Variants in LINGO2 observed in about 807,000 individuals in gnomAD.
LINGO2 encodes the protein leucine-rich repeat and immunoglobulin-like domain-containing nogo receptor-interacting protein 2.
LINGO2 carries 14 observed loss-of-function variants against 30.6 expected under a neutral mutation model. That is an observed-to-expected ratio of 0.46 (90% CI 0.30 to 0.72). LINGO2 has a LOEUF of 0.72. Ranked by LOEUF, LINGO2 falls within the 30% of genes least tolerant of loss-of-function variation. The pLI, the probability that LINGO2 is intolerant of heterozygous loss-of-function variation, is 0.07. For synonymous variants in LINGO2, 317 were observed against 288.5 expected (o/e 1.10, Z -1.00); for missense variants, 729 against 751.7 (o/e 0.97, Z 0.35).
chr9:28,899,061 CA>C, the LINGO2 span, among the ~76,000 whole-genome samples: 112,186 of 151,970 alleles, frequency 0.74, 41,575 homozygotes, highest in Non-Finnish European at 0.78. Flanking sequence ...TATTGTTTCA[CA>C]AAAATACCTT....
the LINGO2 span, among the ~76,000 whole-genome samples, chr9:28,760,139 A>C: frequency 6.6e-6 from 1 of 152,152 alleles, no homozygotes; most frequent in Non-Finnish European, 1.5e-5. Context: ...TGTTTTATGA[A>C]ACAGATACTG....
chr9:29,200,447 G>T, the LINGO2 span, among the ~76,000 whole-genome samples: 75 of 151,908 alleles, frequency 4.9e-4, no homozygotes, highest in Non-Finnish European at 9.6e-4. Context: ...GAAGAAAATC[G>T]GATATGCATG....
chr9:28,367,105 TCA>T (rs1564153651), intron 3 of LINGO2, among the ~76,000 whole-genome samples: 1 of 135,474 alleles, frequency 7.4e-6, no homozygotes, highest in African/African-American at 3.0e-5. Flanking sequence ...TTTGGTTAAA[TCA>T]AAAGTCAGCA....
At chr9:29,157,479 A>AT in the LINGO2 span, among the ~76,000 whole-genome samples, 1 of 152,210 alleles carries the variant, frequency 6.6e-6, no homozygotes, top group Non-Finnish European at 1.5e-5. Flanking sequence ...AAGGTATGGA[A>AT]AGTCAAGAGT....
At chr9:29,011,645 C>T in the LINGO2 span, among the ~76,000 whole-genome samples, 1 of 152,142 alleles carries the variant, frequency 6.6e-6, no homozygotes, top group Non-Finnish European at 1.5e-5. Flanking sequence ...TAATAGGTGG[C>T]CATGACCCCT....
At chr9:29,021,502 A>C in the LINGO2 span, among the ~76,000 whole-genome samples, 27 of 152,134 alleles carry the variant, frequency 1.8e-4, no homozygotes, top group African/African-American at 5.5e-4. Flanking sequence ...TTAAAAATAC[A>C]AAAAAATGGC....
At chr9:29,059,413 T>A in the LINGO2 span, among the ~76,000 whole-genome samples, 2 of 138,334 alleles carry the variant, frequency 1.4e-5, no homozygotes, top group Admixed American at 1.4e-4. Context: ...AGATTAAAAT[T>A]AAAAAATAAA....
the LINGO2 span, among the ~76,000 whole-genome samples, chr9:29,012,405 A>G: frequency 6.6e-6 from 1 of 152,100 alleles, no homozygotes; most frequent in African/African-American, 2.4e-5. Context: ...GACTTAAAGA[A>G]CTTAAACGGT....
chr9:29,180,453 C>T, the LINGO2 span, among the ~76,000 whole-genome samples: 3 of 152,288 alleles, frequency 2.0e-5, no homozygotes, highest in Admixed American at 1.3e-4. Flanking sequence ...AGCAAGTTAA[C>T]AATGGGTCCA....
At chr9:29,031,521 G>C in the LINGO2 span, among the ~76,000 whole-genome samples, 4 of 151,916 alleles carry the variant, frequency 2.6e-5, no homozygotes, top group African/African-American at 9.7e-5. Flanking sequence ...AACCTCAAGT[G>C]ATCTGCCCAC....
rs533958150 is a variant in LINGO2, at chr9:28,233,832, T to A, written c.-87+61376A>T. 4.6e-4 allele frequency among the ~76,000 whole-genome samples: 70 copies of A among 152,220 alleles called. 1 individual carries two copies. The highest frequency in any genetic ancestry group is 1.6e-3 in the African/African-American group (68 of 41,562). On this transcript the variant is annotated intron_variant, in intron 4 of 5. Transcript: ENST00000379992. ...CCAGGTGACATTTCTAGGCAAGTCC[T>A]GGGCAAAAAGGGATCCTGTTGCCTT...
the LINGO2 span, among the ~76,000 whole-genome samples, chr9:28,977,889 T>G: frequency 6.6e-6 from 1 of 152,162 alleles, no homozygotes; most frequent in Non-Finnish European, 1.5e-5. Context: ...TGTGGCTGTC[T>G]TGAAACAAAG....
chr9:28,325,274 G>A (rs2134318890), intron 3 of LINGO2, among the ~76,000 whole-genome samples: 1 of 152,152 alleles, frequency 6.6e-6, no homozygotes, highest in Admixed American at 6.5e-5. Flanking sequence ...TTTTGTTTCA[G>A]CCTCTTGCCA....
At chr9:28,563,611 G>T (rs1053936314) in intron 1 of LINGO2, among the ~76,000 whole-genome samples, 11 of 152,140 alleles carry the variant, frequency 7.2e-5, no homozygotes, top group African/African-American at 2.7e-4. Context: ...AGAAAAAAAT[G>T]TACATGTTGG....
At chr9:28,527,497 T>C (rs1425222611) in intron 1 of LINGO2, among the ~76,000 whole-genome samples, 2 of 152,206 alleles carry the variant, frequency 1.3e-5, no homozygotes, top group Non-Finnish European at 2.9e-5. Flanking sequence ...CCATTCCTGC[T>C]GTTTTTACCA....
intron 2 of LINGO2, among the ~76,000 whole-genome samples, chr9:28,454,454 A>C (rs1317446203): frequency 6.6e-6 from 1 of 152,072 alleles, no homozygotes; most frequent in East Asian, 1.9e-4. Flanking sequence ...TGTATTTAAA[A>C]GATGAGTATA....
At chr9:29,160,266 T>C in the LINGO2 span, among the ~76,000 whole-genome samples, 2 of 152,192 alleles carry the variant, frequency 1.3e-5, no homozygotes, top group African/African-American at 4.8e-5. Context: ...AGACCCAATA[T>C]ACTTTCCACT....
chr9:28,550,684 C>A lies in LINGO2; in HGVS notation c.-364-74659G>T, dbSNP rs549599805. On this transcript the variant is annotated intron_variant, in intron 1 of 5. Coordinates refer to ENST00000379992, the Ensembl canonical transcript of LINGO2. The stretch of plus-strand genomic sequence containing the variant: ...TGAATATTAAAAACACTCTGTGAAA[C>A]AAATTACCATTTAATATTTTTGCTT... Among the ~76,000 whole-genome samples, 12 of 151,764 alleles carry A rather than the reference C, an allele frequency of 7.9e-5. No individual in the cohort carries two copies. The South Asian group carries it at 2.5e-3, about 31-fold the overall frequency.
the LINGO2 span, among the ~76,000 whole-genome samples, chr9:28,964,845 T>A: frequency 6.6e-6 from 1 of 151,882 alleles, no homozygotes; most frequent in Non-Finnish European, 1.5e-5. Flanking sequence ...TACATGCCTA[T>A]GAACTATGCG....
Sources: gnomAD v4.1 joint callset for allele counts (sites outside exome capture counted in the v4.1 genomes callset) on GRCh38, gnomAD v4.1.1 for gene constraint, MANE v1.5 for transcripts, NCBI Gene and HGNC (gene_info 2026-07-23, HGNC 2026-07-21) for gene names.